Variants in EFCAB11 observed in about 807,000 individuals in gnomAD.
EFCAB11 encodes EF-hand calcium binding domain 11.
Under a neutral mutation model 23.0 loss-of-function variants are expected in EFCAB11, and 14 were observed. The ratio of observed to expected loss-of-function variants is 0.61; its 90% CI spans 0.40 to 0.95. The LOEUF is 0.95. Ranked by LOEUF, EFCAB11 falls within the 40% of genes least tolerant of loss-of-function variation. The pLI, the probability that EFCAB11 is intolerant of heterozygous loss-of-function variation, is 0.00. For synonymous variants in EFCAB11, 65 were observed against 66.6 expected (o/e 0.98, Z 0.11); for missense variants, 198 against 195.8 (o/e 1.01, Z -0.07).
chr14:89,889,527 G>A (rs942247518), intron 5 of EFCAB11, among the ~76,000 whole-genome samples: 4 of 152,232 alleles, frequency 2.6e-5, no homozygotes, highest in South Asian at 4.1e-4. Flanking sequence ...CAGCAGACCT[G>A]ACTGCAATTC....
chr14:89,797,464 C>T lies in EFCAB11; in HGVS notation c.411-140G>A, dbSNP rs143692458. On this transcript the variant is annotated intron_variant, in intron 5 of 5. Transcript: ENST00000316738. The stretch of plus-strand genomic sequence containing the variant: ...ATCTACTTGAAGGCTGAGATTGATG[C>T]CTGTTTTTTCATTGATAATAAAGGT... 684 of 599,120 alleles carry T rather than the reference C, an allele frequency of 1.1e-3. 8 individuals are homozygous for T. Among genetic ancestry groups the T allele is most frequent in the African/African-American group, 0.011 (588 of 53,794 alleles). The allele number at this position is 599,120 out of a possible 1,614,324, so 37.1% of individuals were successfully genotyped here.
chr14:89,843,200 G>T (rs1284787693), intron 5 of EFCAB11, among the ~76,000 whole-genome samples: 1 of 152,028 alleles, frequency 6.6e-6, no homozygotes, highest in African/African-American at 2.4e-5. Flanking sequence ...CTTAAAAACT[G>T]AGAACTCTAG....
At chr14:89,915,490 T>C (rs1252649635) in intron 5 of EFCAB11, among the ~76,000 whole-genome samples, 1 of 152,248 alleles carries the variant, frequency 6.6e-6, no homozygotes, top group East Asian at 1.9e-4. Flanking sequence ...GCAAAGGTGC[T>C]CGGCTCTCAA....
chr14:89,942,770 T>G (rs1890836180), intron 3 of EFCAB11, among the ~76,000 whole-genome samples: 1 of 152,226 alleles, frequency 6.6e-6, no homozygotes, highest in Non-Finnish European at 1.5e-5. Flanking sequence ...CTACTCACCC[T>G]GGCTGCCCTC....
At chr14:89,858,943 C>T (rs1254028758) in intron 5 of EFCAB11, among the ~76,000 whole-genome samples, 1 of 152,064 alleles carries the variant, frequency 6.6e-6, no homozygotes, top group Non-Finnish European at 1.5e-5. Flanking sequence ...ACGTCACATC[C>T]CTCACCCCAA....
At position 89,952,618 on chromosome 14, in the gene EFCAB11, G is replaced by C. The variant is rs903275300; in HGVS notation, c.171+1288C>G. Reference sequence around the variant, plus strand: ...CTGAGCTGTTCATGCAACCTACTTGGGTCAAGAGAATATATTAATACTTAT... The same window carrying C: ...CTGAGCTGTTCATGCAACCTACTTGCGTCAAGAGAATATATTAATACTTAT... On this transcript the variant is annotated intron_variant, in intron 2 of 5. Coordinates refer to ENST00000316738, the MANE Select transcript of EFCAB11 (RefSeq NM_145231.4). 3.4e-5 allele frequency: 33 copies of C among 984,940 alleles called. No homozygotes were observed. In the Admixed American group the frequency reaches 1.7e-3, roughly 51 times the overall value. The allele number at this position is 984,940 out of a possible 1,614,324, so 61.0% of individuals were successfully genotyped here.
At chr14:89,903,267 ACCT>A (rs1406583929) in intron 5 of EFCAB11, among the ~76,000 whole-genome samples, 2 of 152,200 alleles carry the variant, frequency 1.3e-5, no homozygotes, top group Non-Finnish European at 2.9e-5. Context: ...TCAGATTTAA[ACCT>A]CCTCATTTTT....
chr14:89,918,274 C>T (rs1466255661), intron 5 of EFCAB11, among the ~76,000 whole-genome samples: 1 of 152,098 alleles, frequency 6.6e-6, no homozygotes, highest in African/African-American at 2.4e-5. Context: ...CGTGGTGGCT[C>T]ACGCCTGTAA....
Position 89,923,641 on chromosome 14 carries a change from A to C in EFCAB11, c.410+7900T>G, listed in dbSNP as rs1020219015. The C allele has an allele frequency of 3.9e-5, 38 of 969,642 alleles. No individual in the cohort carries two copies. The African/African-American group carries it at 6.1e-4, about 16-fold the overall frequency. The allele number at this position is 969,642 out of a possible 1,614,324, so 60.1% of individuals were successfully genotyped here. ...ATATGATTTGTAGGTGTTTTTATGG[A>C]TGTTTCTATACCTGGAAGCAGGCAG... On this transcript the variant is annotated intron_variant, in intron 5 of 5. Transcript: ENST00000316738.
intron 5 of EFCAB11, among the ~76,000 whole-genome samples, chr14:89,903,983 TTAA>T (rs1177534859): frequency 6.6e-6 from 1 of 152,196 alleles, no homozygotes; most frequent in Admixed American, 6.5e-5. Context: ...ATCTGTTTTT[TTAA>T]TTATTATTAT....
At chr14:89,863,650 G>A (rs947025322) in intron 5 of EFCAB11, among the ~76,000 whole-genome samples, 7 of 152,122 alleles carry the variant, frequency 4.6e-5, no homozygotes, top group African/African-American at 7.2e-5. Flanking sequence ...CTACTTCTCC[G>A]TATCCCCAGC....
intron 5 of EFCAB11, among the ~76,000 whole-genome samples, chr14:89,874,327 A>G (rs1468922411): frequency 6.6e-6 from 1 of 152,082 alleles, no homozygotes; most frequent in East Asian, 1.9e-4. Flanking sequence ...TTTTCCTCCT[A>G]GGCCTCTGGG....
intron 3 of EFCAB11, among the ~76,000 whole-genome samples, chr14:89,941,419 TA>T (rs1303949970): frequency 7.9e-5 from 12 of 152,134 alleles, no homozygotes; most frequent in Non-Finnish European, 1.5e-4. Context: ...CCCATGGCAC[TA>T]TTAAAAATCA....
Position 89,943,577 on chromosome 14 carries a change from A to T in EFCAB11, c.217+6520T>A, listed in dbSNP as rs1358258397. Among the ~76,000 whole-genome samples the T allele has an allele frequency of 2.0e-5, 3 of 152,352 alleles. No individual in the cohort carries two copies. In the East Asian group the frequency reaches 5.8e-4, roughly 29 times the overall value. On this transcript the variant is annotated intron_variant, in intron 3 of 5. Transcript: ENST00000316738. ...TCTTCAAGATCCAAACATTAAGAAG[A>T]GAGATAATATATGTGGAAAAACATT...
intron 4 of EFCAB11, among the ~76,000 whole-genome samples, chr14:89,931,926 C>T (rs760015148): frequency 2.7e-4 from 41 of 152,238 alleles, no homozygotes; most frequent in Non-Finnish European, 5.1e-4. Context: ...TGCACTCTAA[C>T]AACGGTGTTA....
At chr14:89,883,733 C>A (rs534493337) in intron 5 of EFCAB11, among the ~76,000 whole-genome samples, 8 of 152,340 alleles carry the variant, frequency 5.3e-5, no homozygotes, top group African/African-American at 1.9e-4. Flanking sequence ...AATGCCAAGT[C>A]ACCTGTCACT....
chr14:89,834,178 C>CA (rs1472182574), intron 5 of EFCAB11, among the ~76,000 whole-genome samples: 1 of 151,814 alleles, frequency 6.6e-6, no homozygotes, highest in Non-Finnish European at 1.5e-5. Flanking sequence ...AGATAGAAAC[C>CA]ATCCTGGCCG....
At chr14:89,949,638 C>A (rs1373174265) in intron 3 of EFCAB11, among the ~76,000 whole-genome samples, 5 of 152,172 alleles carry the variant, frequency 3.3e-5, no homozygotes, top group African/African-American at 2.4e-5. Context: ...AGTGCTGGGA[C>A]TACAGGCATG....
chr14:89,894,962 T>C (rs1041136433), intron 5 of EFCAB11, among the ~76,000 whole-genome samples: 1 of 152,236 alleles, frequency 6.6e-6, no homozygotes, highest in Non-Finnish European at 1.5e-5. Flanking sequence ...ATTAAAAGTA[T>C]GAACTTTATA....
Sources: gnomAD v4.1 joint callset for allele counts (sites outside exome capture counted in the v4.1 genomes callset) on GRCh38, gnomAD v4.1.1 for gene constraint, MANE v1.5 for transcripts, NCBI Gene and HGNC (gene_info 2026-07-23, HGNC 2026-07-21) for gene names.